EML6: variants seen among roughly 807,000 people sequenced by gnomAD.
EML6 encodes echinoderm microtubule-associated protein-like 6.
In EML6, 154 loss-of-function variants were observed where a neutral mutation model predicts 240.1. That is an observed-to-expected ratio of 0.64 (90% CI 0.56 to 0.73). The LOEUF (loss-of-function observed/expected upper bound fraction) is 0.73. Among genes scored for constraint, EML6 ranks in the 30% least tolerant of loss-of-function variants. The probability of loss-of-function intolerance (pLI) is 0.00; values close to 1 mark genes in which losing one functional copy is unlikely to be tolerated. For synonymous variants in EML6, 1,148 were observed against 899.0 expected (o/e 1.28, Z -4.95); for missense variants, 2,964 against 2,474.6 (o/e 1.20, Z -4.20).
chr2:54,850,199 A>T lies in EML6; in HGVS notation c.1425A>T (p.Arg475=), dbSNP rs955122469. 18 of 1,551,544 alleles carry T rather than the reference A, an allele frequency of 1.2e-5. No homozygotes were observed. Among genetic ancestry groups the T allele is most frequent in the Non-Finnish European group, 1.5e-5 (17 of 1,146,964 alleles). ...AAACTAATGACGGTGCAGGAGAACG[A>T]TTGTTCTACAGAATGCCATGTAAGT... ...YLQTNDGAGE[R]LFYRMPSGKP... is the part of the protein sequence containing the mutation. The change falls in exon 10 of 42, where the codon CGA becomes CGT. Residue 475 remains arginine (R), a synonymous_variant. Transcript: ENST00000356458.
chr2:54,789,341 G>A (rs1229677340), intron 2 of EML6, among the ~76,000 whole-genome samples: 3 of 151,058 alleles, frequency 2.0e-5, no homozygotes, highest in South Asian at 2.1e-4. Context: ...GTGAAACCCC[G>A]TCTCTACTAA....
At chr2:54,749,819 A>G (rs1365914840) in intron 2 of EML6, among the ~76,000 whole-genome samples, 2 of 152,226 alleles carry the variant, frequency 1.3e-5, no homozygotes, top group South Asian at 2.1e-4. Flanking sequence ...ATTGTCTGGC[A>G]TATTTTAGTC....
intron 13 of EML6, among the ~76,000 whole-genome samples, chr2:54,865,494 A>G (rs974547519): frequency 6.6e-6 from 1 of 152,182 alleles, no homozygotes; most frequent in East Asian, 1.9e-4. Flanking sequence ...ATGAAAAGGT[A>G]GACTTAAAAT....
intron 5 of EML6, among the ~76,000 whole-genome samples, chr2:54,823,845 AT>A (rs2104130527): frequency 1.3e-5 from 1 of 74,448 alleles, no homozygotes; most frequent in Non-Finnish European, 2.6e-5. Context: ...ATATTCATTC[AT>A]TCATTCTCTC....
At position 54,849,970 on chromosome 2, in the gene EML6, C is replaced by T. The variant is rs1247347719; in HGVS notation, c.1196C>T (p.Thr399Ile). ...SFIVLRVRDMTEVVHIKDRKE... is the reference protein window; with the variant it reads ...SFIVLRVRDMIEVVHIKDRKE... ...GCTTTTTATTCTTACAGAGATATGA[C>T]AGAAGTAGTTCACATCAAAGATCGA... The change falls in exon 10 of 42, where the codon ACA becomes ATA. Residue 399 changes from threonine (T) to isoleucine (I), a missense_variant. Physicochemically the swap from Thr to Ile is moderately conservative, Grantham distance 89 (BLOSUM62 -1). Transcript: ENST00000356458. The T allele has an allele frequency of 2.6e-6, 4 of 1,550,774 alleles. No individual in the cohort carries two copies. The Admixed American group carries it at 7.8e-5, about 30-fold the overall frequency.
intron 28 of EML6, among the ~76,000 whole-genome samples, chr2:54,941,280 TCTG>T (rs1480455606): frequency 6.6e-6 from 1 of 152,194 alleles, no homozygotes; most frequent in Non-Finnish European, 1.5e-5. Context: ...AATCCTCTCT[TCTG>T]CTGTTCACTC....
chr2:54,804,496 C>T (rs1482608685), intron 2 of EML6, among the ~76,000 whole-genome samples: 2 of 152,178 alleles, frequency 1.3e-5, no homozygotes, highest in Non-Finnish European at 2.9e-5. Flanking sequence ...TTATCAGTAG[C>T]AATTATACTG....
At position 54,734,233 on chromosome 2, in the gene EML6, G is replaced by A. The variant is rs1470850572; in HGVS notation, c.197+8975G>A. On this transcript the variant is annotated intron_variant, in intron 2 of 41. Coordinates refer to ENST00000356458, the MANE Select transcript of EML6 (RefSeq NM_001039753.4). Reference sequence around the variant, plus strand: ...GGTGCCTGTAATCCCAGCTACTCAAGAGGCTGAGACGGGAGAATCGTTTGA... The same window carrying A: ...GGTGCCTGTAATCCCAGCTACTCAAAAGGCTGAGACGGGAGAATCGTTTGA... Among the ~76,000 whole-genome samples the A allele has an allele frequency of 3.3e-5, 5 of 152,310 alleles. No individual in the cohort carries two copies. The East Asian group carries it at 9.6e-4, about 29-fold the overall frequency.
rs990321587 is a variant in EML6, at chr2:54,883,262, A to G, written c.2438+3622A>G. On this transcript the variant is annotated intron_variant, in intron 17 of 41. Coordinates refer to ENST00000356458, the MANE Select transcript of EML6 (RefSeq NM_001039753.4). ...TTTATTTACATGTGGAGTATTGTAC[A>G]TATGCTCTATAACTGGTTTTTTTCA... 5.3e-5 allele frequency among the ~76,000 whole-genome samples: 8 copies of G among 152,230 alleles called. No homozygotes were observed. In the South Asian group the frequency reaches 8.3e-4, roughly 16 times the overall value.
At chr2:54,953,758 G>A (rs1182678381) in intron 31 of EML6, among the ~76,000 whole-genome samples, 2 of 151,910 alleles carry the variant, frequency 1.3e-5, no homozygotes, top group African/African-American at 2.4e-5. Flanking sequence ...GTGGTGGTGC[G>A]TGCCTGTAAT....
At chr2:54,833,684 GA>G (rs1310582145) in intron 7 of EML6, among the ~76,000 whole-genome samples, 1 of 152,128 alleles carries the variant, frequency 6.6e-6, no homozygotes, top group Admixed American at 6.5e-5. Flanking sequence ...CAGTGAAAGG[GA>G]ATTGTAGAGT....
intron 35 of EML6, among the ~76,000 whole-genome samples, chr2:54,961,203 T>TTTTTTTTTTTTTTTTTTTTTTTTTTTTAG: frequency 7.1e-6 from 1 of 141,362 alleles, no homozygotes; most frequent in Non-Finnish European, 1.5e-5. Context: ...TTTTTTTTTT[T>TTTTTTTTTTTTTTTTTTTTTTTTTTTTAG]GAGACGGAGT....
chr2:54,956,142 A>G (rs1676222591), intron 32 of EML6, among the ~76,000 whole-genome samples: 1 of 152,230 alleles, frequency 6.6e-6, no homozygotes, highest in East Asian at 1.9e-4. Context: ...AAGCCAATGC[A>G]GAGAGGGATA....
intron 2 of EML6, among the ~76,000 whole-genome samples, chr2:54,753,048 A>G (rs1305062999): frequency 1.3e-5 from 2 of 152,124 alleles, no homozygotes; most frequent in East Asian, 1.9e-4. Flanking sequence ...ATTCTTATAC[A>G]TGTCTTTTGA....
At chr2:54,920,239 T>C (rs1355470640) in intron 26 of EML6, among the ~76,000 whole-genome samples, 2 of 151,152 alleles carry the variant, frequency 1.3e-5, no homozygotes, top group Non-Finnish European at 3.0e-5. Context: ...AAACTAAGAG[T>C]TGGTGTTTTT....
intron 2 of EML6, among the ~76,000 whole-genome samples, chr2:54,771,061 A>G (rs1428135303): frequency 6.6e-6 from 1 of 152,152 alleles, no homozygotes; most frequent in Non-Finnish European, 1.5e-5. Context: ...CCTGGATGAC[A>G]ATGTCAAGTG....
chr2:54,844,676 A>C (rs976550163), intron 8 of EML6, among the ~76,000 whole-genome samples: 1 of 152,244 alleles, frequency 6.6e-6, no homozygotes, highest in African/African-American at 2.4e-5. Flanking sequence ...TGTCTTTAGC[A>C]CATGAATAAG....
chr2:54,845,732 C>T (rs1669716028), intron 8 of EML6, among the ~76,000 whole-genome samples: 1 of 152,176 alleles, frequency 6.6e-6, no homozygotes, highest in Non-Finnish European at 1.5e-5. Context: ...CTTGAGGCTG[C>T]ACAGTACAGG....
At chr2:54,795,723 TTAGTATC>T (rs912467751) in intron 2 of EML6, among the ~76,000 whole-genome samples, 10 of 152,182 alleles carry the variant, frequency 6.6e-5, no homozygotes, top group African/African-American at 2.4e-4. Flanking sequence ...TAAGCAAACT[TTAGTATC>T]TAGCCCCTAG....
Sources: allele counts gnomAD v4.1 joint callset (sites outside exome capture counted in the v4.1 genomes callset), GRCh38; gene constraint gnomAD v4.1.1; transcripts MANE v1.5; gene names NCBI Gene and HGNC (gene_info 2026-07-23, HGNC 2026-07-21).